Variants in CFAP299 observed in about 807,000 individuals in gnomAD.
CFAP299 encodes cilia and flagella associated protein 299.
CFAP299 carries 21 observed loss-of-function variants against 27.0 expected under a neutral mutation model. That is an observed-to-expected ratio of 0.78 (90% CI 0.55 to 1.12). The LOEUF (loss-of-function observed/expected upper bound fraction) is 1.12, where lower values mean the gene tolerates loss of function less well. Ranked by LOEUF, CFAP299 falls within the 50% of genes most tolerant of loss-of-function variation. The probability of loss-of-function intolerance (pLI) is 0.00; values close to 1 mark genes in which losing one functional copy is unlikely to be tolerated. For missense variants in CFAP299, 310 were observed against 276.6 expected, an observed-to-expected ratio of 1.12 and a Z score of -0.86; for synonymous variants, 104 against 98.1, an observed-to-expected ratio of 1.06 and a Z score of -0.36.
At chr4:80,333,743 A>G (rs1055103514), upstream of CFAP299, among the ~76,000 whole-genome samples, 2 of 152,180 alleles carry the variant, frequency 1.3e-5, no homozygotes, top group Non-Finnish European at 2.9e-5. Flanking sequence ...CAAAGAATGG[A>G]ATTTCTGGGA....
At chr4:80,809,274 A>T (rs1729018835) in intron 3 of CFAP299, among the ~76,000 whole-genome samples, 1 of 152,158 alleles carries the variant, frequency 6.6e-6, no homozygotes, top group Non-Finnish European at 1.5e-5. Flanking sequence ...GGGATCACTC[A>T]TGATTTTGTT....
chr4:80,683,126 C>T lies in CFAP299; in HGVS notation c.333+99943C>T, dbSNP rs144636379. Among the ~76,000 whole-genome samples the T allele has an allele frequency of 2.5e-3, 387 of 152,240 alleles. 1 individual carries two copies. Among genetic ancestry groups the T allele is most frequent in the Admixed American group, 6.0e-3 (91 of 15,292 alleles). On this transcript the variant is annotated intron_variant, in intron 3 of 5. Transcript: ENST00000358105. Reference sequence around the variant, plus strand: ...TATCTCCAAGATAAGAATGAATTTACTATTCCATGGACTGATGTGGTGATG... The same window carrying T: ...TATCTCCAAGATAAGAATGAATTTATTATTCCATGGACTGATGTGGTGATG...
At chr4:80,329,533 T>C in the CFAP299 span, among the ~76,000 whole-genome samples, 1 of 152,100 alleles carries the variant, frequency 6.6e-6, no homozygotes, top group East Asian at 1.9e-4. Flanking sequence ...TGAGATTGAG[T>C]AGGAAAGATG....
intron 3 of CFAP299, among the ~76,000 whole-genome samples, chr4:80,635,752 G>T (rs1739442107): frequency 6.6e-6 from 1 of 152,130 alleles, no homozygotes; most frequent in Admixed American, 6.6e-5. Flanking sequence ...GAATTTGGTA[G>T]AAAGCAGATT....
At chr4:80,494,053 G>A (rs1010963805) in intron 2 of CFAP299, among the ~76,000 whole-genome samples, 5 of 152,058 alleles carry the variant, frequency 3.3e-5, no homozygotes, top group African/African-American at 1.2e-4. Context: ...GGGATTACAG[G>A]CGTGAGCCAC....
At chr4:80,607,934 C>T (rs13141796) in intron 3 of CFAP299, among the ~76,000 whole-genome samples, 1 of 151,924 alleles carries the variant, frequency 6.6e-6, no homozygotes, top group African/African-American at 2.4e-5. Flanking sequence ...GAACTGGGAG[C>T]CTATGTATTG....
intron 3 of CFAP299, among the ~76,000 whole-genome samples, chr4:80,833,847 A>T (rs868092451): frequency 6.6e-6 from 1 of 152,198 alleles, no homozygotes; most frequent in Non-Finnish European, 1.5e-5. Flanking sequence ...ACTGTGATAC[A>T]CAAGACAACT....
At chr4:80,663,478 T>G (rs918388624) in intron 3 of CFAP299, among the ~76,000 whole-genome samples, 1 of 152,234 alleles carries the variant, frequency 6.6e-6, no homozygotes, top group African/African-American at 2.4e-5. Context: ...TCCTTTTTTA[T>G]GGCTGCATAG....
At chr4:80,943,868 AC>A (rs1737329903) in intron 4 of CFAP299, among the ~76,000 whole-genome samples, 1 of 152,038 alleles carries the variant, frequency 6.6e-6, no homozygotes, top group South Asian at 2.1e-4. Context: ...AAAGATCGAG[AC>A]CATCCTGGCC....
chr4:80,414,281 A>G lies in CFAP299; in HGVS notation c.242+51397A>G, dbSNP rs368133893. ...GAGACGGGGTTTCACCGTTTTAGCC[A>G]GGATGGTCTCGATCTCCTGACCTCG... is the stretch of plus-strand genomic sequence containing the variant. On this transcript the variant is annotated intron_variant, in intron 2 of 5. Coordinates refer to ENST00000358105, the MANE Select transcript of CFAP299 (RefSeq NM_152770.3). 6.4e-3 allele frequency among the ~76,000 whole-genome samples: 969 copies of G among 151,690 alleles called. 2 individuals carry two copies. Among genetic ancestry groups the G allele is most frequent in the Middle Eastern group, 0.024 (7 of 294 alleles).
At chr4:80,541,603 C>G (rs756563844) in intron 2 of CFAP299, among the ~76,000 whole-genome samples, 22 of 152,068 alleles carry the variant, frequency 1.4e-4, no homozygotes, top group Non-Finnish European at 7.4e-5. Context: ...ATATTTCTAT[C>G]TTTAGTCCTA....
intron 2 of CFAP299, among the ~76,000 whole-genome samples, chr4:80,560,224 C>A (rs965010183): frequency 4.6e-5 from 7 of 152,048 alleles, no homozygotes; most frequent in Non-Finnish European, 2.9e-5. Flanking sequence ...AGAAGGGAAA[C>A]CTCTGCCTTG....
intron 3 of CFAP299, among the ~76,000 whole-genome samples, chr4:80,782,894 G>A (rs1000862419): frequency 2.6e-5 from 4 of 151,160 alleles, no homozygotes; most frequent in Admixed American, 2.0e-4. Context: ...TGGTGCTCAG[G>A]AATTTAATGA....
chr4:80,779,253 T>C (rs756022120), intron 3 of CFAP299, among the ~76,000 whole-genome samples: 2 of 152,122 alleles, frequency 1.3e-5, no homozygotes, highest in African/African-American at 2.4e-5. Flanking sequence ...AAGTTCATTT[T>C]CAGCAATTCC....
chr4:80,720,981 T>C (rs1245064682), intron 3 of CFAP299, among the ~76,000 whole-genome samples: 3 of 152,020 alleles, frequency 2.0e-5, no homozygotes, highest in African/African-American at 7.2e-5. Flanking sequence ...AAGTGAAAAA[T>C]ATACTGGATA....
rs532588762 is a variant in CFAP299, at chr4:80,905,969, TCC to T, written c.476+35836_476+35837del. 3.0e-3 allele frequency among the ~76,000 whole-genome samples: 457 copies of T among 152,258 alleles called. 2 individuals are homozygous for T. The highest frequency in any genetic ancestry group is 0.011 in the African/African-American group (438 of 41,556). ...AAACACAATCATGCCTTTCCAATAGTCCCTGAAAGTCTTAGCACATTCTAGCA... is the reference window on the plus strand; with the variant it reads ...AAACACAATCATGCCTTTCCAATAGTCTGAAAGTCTTAGCACATTCTAGCA... On this transcript the variant is annotated intron_variant, in intron 4 of 5. Transcript: ENST00000358105.
intron 2 of CFAP299, among the ~76,000 whole-genome samples, chr4:80,557,936 C>G (rs1407140973): frequency 6.6e-6 from 1 of 152,092 alleles, no homozygotes; most frequent in Non-Finnish European, 1.5e-5. Flanking sequence ...CAGAATGACA[C>G]TTGCACATAT....
intron 4 of CFAP299, among the ~76,000 whole-genome samples, chr4:80,916,185 C>A (rs1735740633): frequency 7.0e-6 from 1 of 143,374 alleles, no homozygotes; most frequent in Non-Finnish European, 1.5e-5. Context: ...TCACTGAAAC[C>A]CAGGAGGCAG....
the CFAP299 span, among the ~76,000 whole-genome samples, chr4:80,326,342 T>C: frequency 6.6e-6 from 1 of 152,108 alleles, no homozygotes; most frequent in African/African-American, 2.4e-5. Flanking sequence ...AAAAAGAAAA[T>C]GAAGAAGACA....
Sources: gnomAD v4.1 joint callset for allele counts (sites outside exome capture counted in the v4.1 genomes callset) on GRCh38, gnomAD v4.1.1 for gene constraint, MANE v1.5 for transcripts, NCBI Gene and HGNC (gene_info 2026-07-23, HGNC 2026-07-21) for gene names.